Variants in EGF observed in about 807,000 individuals in gnomAD.
EGF encodes pro-epidermal growth factor.
A neutral mutation model predicts 143.8 loss-of-function variants in EGF; 95 were observed. That is an observed-to-expected ratio of 0.66 (90% CI 0.56 to 0.78). The LOEUF (loss-of-function observed/expected upper bound fraction) is 0.78. EGF is among the 30% of genes least tolerant of loss of function. EGF has a pLI of 0.00. For synonymous variants in EGF, 510 were observed against 510.5 expected (o/e 1.00, Z 0.01); for missense variants, 1,320 against 1,470.9 (o/e 0.90, Z 1.68).
At chr4:109,953,321 A>G (rs1228332201) in intron 5 of EGF, among the ~76,000 whole-genome samples, 1 of 152,204 alleles carries the variant, frequency 6.6e-6, no homozygotes, top group African/African-American at 2.4e-5. Context: ...GCTATTGATT[A>G]TCATTGCCTG....
chr4:109,982,215 C>A (rs1749477175), intron 15 of EGF, among the ~76,000 whole-genome samples: 1 of 151,644 alleles, frequency 6.6e-6, no homozygotes, highest in South Asian at 2.1e-4. Context: ...TGCTATGTTG[C>A]CTAGGCTGGT....
intron 10 of EGF, 113 bp from the exon 11 acceptor site, chr4:109,968,858 A>G: frequency 1.4e-6 from 2 of 1,419,070 alleles, no homozygotes; most frequent in South Asian, 1.2e-5. Context: ...AGGTGTGCCT[A>G]TCTCCAAAGT....
chr4:109,918,539 G>C (rs757598254), intron 1 of EGF, among the ~76,000 whole-genome samples: 5 of 152,124 alleles, frequency 3.3e-5, no homozygotes, highest in Non-Finnish European at 7.4e-5. Flanking sequence ...GAAGATGCTG[G>C]AGGTGGGGGC....
intron 5 of EGF, among the ~76,000 whole-genome samples, chr4:109,957,180 G>A (rs1352020501): frequency 6.6e-6 from 1 of 152,182 alleles, no homozygotes. Context: ...GATTTAGACT[G>A]AGCTCCTGCA....
intron 5 of EGF, among the ~76,000 whole-genome samples, chr4:109,955,670 G>C (rs1299754159): frequency 6.6e-6 from 1 of 152,210 alleles, no homozygotes; most frequent in African/African-American, 2.4e-5. Context: ...TTGAGTTCTA[G>C]CTCTAAGGTT....
At chr4:109,960,222 A>G (rs936626384) in intron 6 of EGF, among the ~76,000 whole-genome samples, 1 of 152,334 alleles carries the variant, frequency 6.6e-6, no homozygotes, top group African/African-American at 2.4e-5. Context: ...GAAGAGCACA[A>G]TAGGAAATGT....
chr4:109,940,575 C>A (rs931504781), intron 1 of EGF, among the ~76,000 whole-genome samples: 1 of 152,140 alleles, frequency 6.6e-6, no homozygotes, highest in Non-Finnish European at 1.5e-5. Flanking sequence ...AATTTTAGTT[C>A]TAATTTACAT....
At chr4:109,960,442 C>A (rs1191344338) in intron 6 of EGF, among the ~76,000 whole-genome samples, 1 of 152,154 alleles carries the variant, frequency 6.6e-6, no homozygotes, top group African/African-American at 2.4e-5. Context: ...TCCCAGAGTT[C>A]AAGATCAGCC....
At chr4:109,966,906 C>T (rs1316070352) in intron 10 of EGF, among the ~76,000 whole-genome samples, 4 of 151,624 alleles carry the variant, frequency 2.6e-5, no homozygotes, top group Non-Finnish European at 5.9e-5. Flanking sequence ...TTTATCTTCT[C>T]GGGTTGTTTG....
chr4:109,944,393 C>T (rs567175041), intron 4 of EGF, among the ~76,000 whole-genome samples: 14 of 152,274 alleles, frequency 9.2e-5, no homozygotes, highest in African/African-American at 3.1e-4. Context: ...GAGCCGATAT[C>T]GTGCCACTGC....
chr4:109,919,287 GTCTCTCTCTCTCTCTC>G (rs58110007), intron 1 of EGF, among the ~76,000 whole-genome samples: 2,024 of 75,872 alleles, frequency 0.027, 31 homozygotes, highest in Middle Eastern at 0.061. Context: ...ATGCTTCTCT[GTCTCTCTCTCTCTCTC>G]TCTCTCTCTC....
intron 1 of EGF, among the ~76,000 whole-genome samples, chr4:109,930,606 C>T (rs1739515242): frequency 6.6e-6 from 1 of 152,154 alleles, no homozygotes; most frequent in Non-Finnish European, 1.5e-5. Flanking sequence ...TCTTGTTAAT[C>T]TGGTTGTGGT....
chr4:109,964,617 C>T, intron 10 of EGF, 80 bp downstream of exon 10: 1 of 1,588,736 alleles, frequency 6.3e-7, no homozygotes, highest in Non-Finnish European at 8.6e-7. Context: ...ATGACCTGGC[C>T]TACTTGAAAA....
At chr4:109,922,983 A>C (rs550527278) in intron 1 of EGF, among the ~76,000 whole-genome samples, 7 of 151,646 alleles carry the variant, frequency 4.6e-5, no homozygotes, top group Non-Finnish European at 8.8e-5. Context: ...AACAATGCTT[A>C]GAGAAGTCGG....
intron 5 of EGF, among the ~76,000 whole-genome samples, chr4:109,953,624 T>G (rs930592563): frequency 1.3e-5 from 2 of 152,228 alleles, no homozygotes; most frequent in African/African-American, 4.8e-5. Context: ...TTGACATTTG[T>G]ATTCACTGTA....
At position 109,936,383 on chromosome 4, in the gene EGF, G is replaced by A. The variant is rs572133662; in HGVS notation, c.128-4563G>A. Among the ~76,000 whole-genome samples, 21 of 152,164 alleles carry A rather than the reference G, an allele frequency of 1.4e-4. No individual in the cohort carries two copies. The East Asian group carries it at 1.7e-3, about 13-fold the overall frequency. On this transcript the variant is annotated intron_variant, in intron 1 of 23. Transcript: ENST00000265171. ...CGGTAGTTTGTATTTCTGTGGGATC[G>A]GTGGTGATATCCCCTTTATTATTTT...
At chr4:109,927,140 T>A (rs1391060093) in intron 1 of EGF, among the ~76,000 whole-genome samples, 1 of 152,324 alleles carries the variant, frequency 6.6e-6, no homozygotes, top group East Asian at 1.9e-4. Context: ...TCAACAAAAT[T>A]TGTGAATAAT....
At chr4:109,944,945 C>A in intron 4 of EGF, 128 bp from the exon 5 acceptor site, 3 of 982,210 alleles carry the variant, frequency 3.1e-6, no homozygotes, top group Middle Eastern at 3.1e-4. Flanking sequence ...CTTTTCTAAA[C>A]ATAAATGAGA....
chr4:110,007,687 C>G (rs1229075217), intron 22 of EGF, among the ~76,000 whole-genome samples: 1 of 152,186 alleles, frequency 6.6e-6, no homozygotes. Flanking sequence ...ATTATTACTA[C>G]CTTTAATGGC....
Sources: allele counts gnomAD v4.1 joint callset (sites outside exome capture counted in the v4.1 genomes callset), GRCh38; gene constraint gnomAD v4.1.1; transcripts MANE v1.5; gene names NCBI Gene and HGNC (gene_info 2026-07-23, HGNC 2026-07-21).